The following CAVIN3 variants were observed in gnomAD, a reference collection of about 807,000 sequenced individuals.
The protein encoded by CAVIN3 is caveolae associated protein 3, also known as caveolae-associated protein 3.
Under a neutral mutation model 8.2 loss-of-function variants are expected in CAVIN3, and 11 were observed. That is an observed-to-expected ratio of 1.35 (90% CI 0.85 to 2.23). The LOEUF is 2.23. Among genes scored for constraint, CAVIN3 ranks in the 30% most tolerant of loss-of-function variants. The pLI is 0.00. For missense variants in CAVIN3, 401 were observed against 359.5 expected (o/e 1.12, Z -0.93); for synonymous variants, 191 against 166.3 (o/e 1.15, Z -1.14).
In CAVIN3 at chr11:6,318,987, T is replaced by G; in HGVS notation, c.*176A>C. 1 of 543,420 alleles carries G rather than the reference T, an allele frequency of 1.8e-6. No homozygotes were observed. The highest frequency in any genetic ancestry group is 3.2e-6 in the Non-Finnish European group (1 of 316,130). 33.7% of individuals were successfully genotyped at this position (543,420 alleles called of 1,614,324 possible). Reference sequence around the variant, plus strand: ...TTTATTGATGGTGAGCGCAAGCAGGTGTGAGTGACTGCACCTCTTTCAGAG... The same window carrying G: ...TTTATTGATGGTGAGCGCAAGCAGGGGTGAGTGACTGCACCTCTTTCAGAG... On this transcript the variant is annotated 3_prime_UTR_variant, in exon 2 of 2. Coordinates refer to ENST00000303927, the MANE Select transcript of CAVIN3 (RefSeq NM_145040.3).
Position 6,320,304 on chromosome 11 carries a change from C to T in CAVIN3, c.173G>A (p.Arg58His). 1 of 1,564,942 alleles carries T rather than the reference C, an allele frequency of 6.4e-7. No individual in the cohort carries two copies. Among genetic ancestry groups the T allele is most frequent in the Non-Finnish European group, 8.6e-7 (1 of 1,163,020 alleles). Residue 58 changes from arginine to histidine, a missense_variant, in exon 1 of 2, where the codon CGC becomes CAC. Coordinates refer to ENST00000303927, the MANE Select transcript of CAVIN3 (RefSeq NM_145040.3). ...RRQGGLAGSVRRIQSGLGALS... is the reference protein window; with the variant it reads ...RRQGGLAGSVHRIQSGLGALS... ...AGCGCCCAGGCCGCTCTGGATGCGG[C>T]GCACGGACCCTGCCAGGCCTCCCTG...
Position 6,320,432 on chromosome 11 carries a change from C to A in CAVIN3, c.45G>T (p.Pro15=). 6.5e-7 allele frequency: 1 copy of A among 1,548,926 alleles called. No individual in the cohort carries two copies. The highest frequency in any genetic ancestry group is 1.2e-5 in the South Asian group (1 of 83,236). ...ALERGPVPEA[P]AGGPVHAVTV... ...TCACGGCGTGCACGGGACCCCCCGCCGGCGCCTCGGGCACAGGCCCCCGCT... is the reference window on the plus strand; with the variant it reads ...TCACGGCGTGCACGGGACCCCCCGCAGGCGCCTCGGGCACAGGCCCCCGCT... Residue 15 remains proline (P), a synonymous_variant, in exon 1 of 2, where the codon CCG becomes CCT. Coordinates refer to ENST00000303927, the MANE Select transcript of CAVIN3 (RefSeq NM_145040.3).
Position 6,320,322 on chromosome 11 carries a change from C to G in CAVIN3, c.155G>C (p.Gly52Ala). Residue 52 changes from glycine to alanine, a missense_variant, in exon 1 of 2, where the codon GGC (glycine) becomes GCC (alanine). Physicochemically the swap from Gly to Ala is moderately conservative, Grantham distance 60. Transcript: ENST00000303927. ...GATGCGGCGCACGGACCCTGCCAGG[C>G]CTCCCTGCCTTCGAGCCAGGCCTCC... ...RQGGLARRQG[G>A]LAGSVRRIQS... The G allele has an allele frequency of 6.4e-7, 1 of 1,562,716 alleles. No homozygotes were observed. Among genetic ancestry groups the G allele is most frequent in the Non-Finnish European group, 8.6e-7 (1 of 1,162,902 alleles).
chr11:6,320,126 C>A lies in CAVIN3; in HGVS notation c.351G>T (p.Val117=). ...QRLEANHGLL[V]ARGKLHVLLF... The stretch of plus-strand genomic sequence containing the variant: ...GCAGAACGTGGAGCTTCCCGCGCGC[C>A]ACCAGCAGCCCGTGGTTGGCCTCCA... Residue 117 remains valine, a synonymous_variant, in exon 1 of 2, where the codon GTG becomes GTT. Transcript: ENST00000303927. The A allele has an allele frequency of 6.3e-7, 1 of 1,590,338 alleles. No individual in the cohort carries two copies. The highest frequency in any genetic ancestry group is 1.1e-5 in the South Asian group (1 of 89,904).
Position 6,319,559 on chromosome 11 carries a change from C to T in CAVIN3, c.390G>A (p.Glu130=). The change falls in exon 2 of 2, where the codon GAG becomes GAA. Residue 130 remains glutamate, a synonymous_variant. Transcript: ENST00000303927. ...GGAAAGCGCTGGCTGGGACTTCACCCTCCTCCTGCATGTGACGGACACAGC... is the reference window on the plus strand; with the variant it reads ...GGAAAGCGCTGGCTGGGACTTCACCTTCCTCCTGCATGTGACGGACACAGC... ...GKLHVLLFKE[E]GEVPASAFQK... is the part of the protein sequence containing the mutation. 1 of 1,573,060 alleles carries T rather than the reference C, an allele frequency of 6.4e-7. No individual in the cohort carries two copies. The highest frequency in any genetic ancestry group is 8.6e-7 in the Non-Finnish European group (1 of 1,165,660).
Position 6,320,482 on chromosome 11 carries a change from C to T in CAVIN3, c.-6G>A, listed in dbSNP as rs1171769770. On this transcript the variant is annotated 5_prime_UTR_variant, in exon 1 of 2. Transcript: ENST00000303927. ...TCCAACGCACTCTCCCTCATGATCC[C>T]TGACCGCTCTGCTCCGTCTGCCTGC... 1 of 1,503,342 alleles carries T rather than the reference C, an allele frequency of 6.7e-7. No individual in the cohort carries two copies. The highest frequency in any genetic ancestry group is 2.4e-5 in the East Asian group (1 of 41,498). 93.1% of individuals were successfully genotyped at this position (1,503,342 alleles called of 1,614,324 possible).
At position 6,320,076 on chromosome 11, in the gene CAVIN3, C is replaced by A; in HGVS notation, c.384+17G>T. 1 of 1,572,606 alleles carries A rather than the reference C, an allele frequency of 6.4e-7. No homozygotes were observed. Among genetic ancestry groups the A allele is most frequent in the South Asian group, 1.2e-5 (1 of 85,820 alleles). On this transcript the variant is annotated intron_variant, in intron 1 of 1. Transcript: ENST00000303927. ...CCGGCAAAGGCCTCGGATTGGGGAC[C>A]GTTTGAGGTCACTGACCTTGAAGAG...
rs138123107 is a variant in CAVIN3, at chr11:6,319,495, C to G, written c.454G>C (p.Glu152Gln). Reference sequence around the variant, plus strand: ...GCCTCCAGCTGCTCTGGGCCCAGCTCGGACTGGTCCGCCGGGCCCAAGGGC... The same window carrying G: ...GCCTCCAGCTGCTCTGGGCCCAGCTGGGACTGGTCCGCCGGGCCCAAGGGC... ...PEPLGPADQS[E>Q]LGPEQLEAEV... The change falls in exon 2 of 2, where the codon GAG becomes CAG. Residue 152 changes from glutamate to glutamine, a missense_variant. Transcript: ENST00000303927. The G allele has an allele frequency of 2.5e-6, 4 of 1,601,460 alleles. No individual in the cohort carries two copies. The highest frequency in any genetic ancestry group is 3.4e-6 in the Non-Finnish European group (4 of 1,177,164).
chr11:6,319,993 G>A, intron 1 of CAVIN3, 100 bp downstream of exon 1: 2 of 1,289,790 alleles, frequency 1.6e-6, no homozygotes, highest in Non-Finnish European at 1.0e-6. Context: ...GGAGGGGTCA[G>A]GAATGTGGGT....
intron 1 of CAVIN3, 109 bp from the exon 2 acceptor site, chr11:6,319,673 T>G (rs1051522852): frequency 7.3e-7 from 1 of 1,373,814 alleles, no homozygotes; most frequent in African/African-American, 1.4e-5. Flanking sequence ...AGCCAGAGTC[T>G]GGGGGGAAAG....
At chr11:6,319,672 C>G in intron 1 of CAVIN3, 108 bp from the exon 2 acceptor site, 2 of 1,380,160 alleles carry the variant, frequency 1.4e-6, no homozygotes, top group Non-Finnish European at 2.0e-6. Flanking sequence ...CAGCCAGAGT[C>G]TGGGGGGAAA....
rs758206149 is a variant in CAVIN3, at chr11:6,319,216, C to G, written c.733G>C (p.Gly245Arg). 6.4e-7 allele frequency: 1 copy of G among 1,563,218 alleles called. No individual in the cohort carries two copies. The highest frequency in any genetic ancestry group is 1.4e-5 in the African/African-American group (1 of 72,914). ...GCTTCTTCGGCAGCCCCAGGTCTCC[C>G]GGGATCTTCCTCGGTGTCCTGCGGA... ...EPPQDTEEDP[G>R]RPGAAEEALL... Residue 245 changes from glycine to arginine, a missense_variant, in exon 2 of 2, where the codon GGG (glycine) becomes CGG (arginine). Physicochemically the swap from Gly to Arg is moderately radical, Grantham distance 125 (BLOSUM62 -2). Transcript: ENST00000303927.
In CAVIN3 at chr11:6,319,375, C is replaced by T. The variant is rs1846774439; in HGVS notation, c.574G>A (p.Ala192Thr). ...GCAGGGCCTTTCCGGCCCGAAAGGGCCCTTCGGAGGCTCTGTACCTTCTGC... is the reference window on the plus strand; with the variant it reads ...GCAGGGCCTTTCCGGCCCGAAAGGGTCCTTCGGAGGCTCTGTACCTTCTGC... ...GLQKVQSLRR[A>T]LSGRKGPAAP... is the part of the protein sequence containing the mutation. The change falls in exon 2 of 2, where the codon GCC becomes ACC. Residue 192 changes from alanine (A) to threonine (T), a missense_variant. Transcript: ENST00000303927. 3 of 1,597,944 alleles carry T rather than the reference C, an allele frequency of 1.9e-6. No homozygotes were observed. Among genetic ancestry groups the T allele is most frequent in the African/African-American group, 1.3e-5 (1 of 74,146 alleles).
rs770943639 is a variant in CAVIN3 at position 6,320,164 on chromosome 11, G to C, written c.313C>G (p.Gln105Glu). 1 of 1,578,734 alleles carries C rather than the reference G, an allele frequency of 6.3e-7. No individual in the cohort carries two copies. Among genetic ancestry groups the C allele is most frequent in the Non-Finnish European group, 8.5e-7 (1 of 1,170,756 alleles). ...AQERAVRRAA[Q>E]VQRLEANHGL... ...TGGTTGGCCTCCAGCCGCTGCACCT[G>C]GGCTGCGCGGCGCACCGCGCGCTCT... Residue 105 changes from glutamine (Q) to glutamate (E), a missense_variant, in exon 1 of 2, where the codon CAG (glutamine) becomes GAG (glutamate). Transcript: ENST00000303927.
chr11:6,319,336 T>C lies in CAVIN3; in HGVS notation c.613A>G (p.Thr205Ala). 1 of 1,600,498 alleles carries C rather than the reference T, an allele frequency of 6.2e-7. No individual in the cohort carries two copies. Among genetic ancestry groups the C allele is most frequent in the Non-Finnish European group, 8.5e-7 (1 of 1,174,450 alleles). Residue 205 changes from threonine to alanine, a missense_variant, in exon 2 of 2, where the codon ACC becomes GCC. Transcript: ENST00000303927. ...GRKGPAAPPP[T>A]PVKPPRLGPG... ...CCAAGGCGAGGCGGCTTGACCGGGG[T>C]GGGCGGTGGCGCTGCAGGGCCTTTC...
At position 6,319,806 on chromosome 11, in the gene CAVIN3, C is replaced by T. The variant is rs555764326; in HGVS notation, c.385-242G>A. On this transcript the variant is annotated intron_variant, in intron 1 of 1. Transcript: ENST00000303927. ...CCGCAGTCACGGAATGCCCTTTCAA[C>T]CACCGTTATTTTAGGGATTGGCTGG... 215 of 669,164 alleles carry T rather than the reference C, an allele frequency of 3.2e-4. No homozygotes were observed. The African/African-American group carries it at 3.4e-3, about 11-fold the overall frequency. The allele number at this position is 669,164 out of a possible 1,614,324, so 41.5% of individuals were successfully genotyped here. A position where few individuals can be genotyped will look rare whatever the true frequency, so the allele number is the denominator to read the frequency against.
At position 6,319,384 on chromosome 11, in the gene CAVIN3, G is replaced by A. The variant is rs751400273; in HGVS notation, c.565C>T (p.Leu189Phe). The change falls in exon 2 of 2, where the codon CTC becomes TTC. Residue 189 changes from leucine (L) to phenylalanine (F), a missense_variant. Leu to Phe is a conservative substitution (Grantham distance 22). Transcript: ENST00000303927. ...TTCCGGCCCGAAAGGGCCCTTCGGAGGCTCTGTACCTTCTGCAATCCGGTG... is the reference window on the plus strand; with the variant it reads ...TTCCGGCCCGAAAGGGCCCTTCGGAAGCTCTGTACCTTCTGCAATCCGGTG... ...RRTGLQKVQS[L>F]RRALSGRKGP... is the part of the protein sequence containing the mutation. The A allele has an allele frequency of 1.2e-6, 2 of 1,601,350 alleles. No homozygotes were observed. The highest frequency in any genetic ancestry group is 3.5e-5 in the Admixed American group (2 of 56,906).
chr11:6,319,619 G>C (rs751975747), intron 1 of CAVIN3, 55 bp from the exon 2 acceptor site: 1 of 1,528,672 alleles, frequency 6.5e-7, no homozygotes, highest in Non-Finnish European at 8.8e-7. Flanking sequence ...CCAGCAGCCC[G>C]AAACTCACTC....
At position 6,320,389 on chromosome 11, in the gene CAVIN3, C is replaced by T; in HGVS notation, c.88G>A (p.Glu30Lys). The T allele has an allele frequency of 6.3e-7, 1 of 1,584,880 alleles. No homozygotes were observed. Among genetic ancestry groups the T allele is most frequent in the South Asian group, 1.1e-5 (1 of 89,150 alleles). ...GTCTCCAGCATGGAGGCCAGCTTCTCCAGCAGGGTCACCACCGTCACGGCG... is the reference window on the plus strand; with the variant it reads ...GTCTCCAGCATGGAGGCCAGCTTCTTCAGCAGGGTCACCACCGTCACGGCG... ...VHAVTVVTLL[E>K]KLASMLETLR... The change falls in exon 1 of 2, where the codon GAG (glutamate) becomes AAG (lysine). Residue 30 changes from glutamate to lysine, a missense_variant. By Grantham distance (56) the Glu-to-Lys change is moderately conservative. Transcript: ENST00000303927.
Sources: allele counts gnomAD v4.1 joint callset, GRCh38; gene constraint gnomAD v4.1.1; transcripts MANE v1.5; gene names NCBI Gene and HGNC (gene_info 2026-07-23, HGNC 2026-07-21).